The following MLIP variants were observed in gnomAD, a reference collection of about 807,000 sequenced individuals.
MLIP encodes the protein muscular LMNA-interacting protein.
Under a neutral mutation model 84.8 loss-of-function variants are expected in MLIP, and 79 were observed. That is an observed-to-expected ratio of 0.93 (90% CI 0.78 to 1.12). The LOEUF is 1.12. Among genes scored for constraint, MLIP ranks in the 50% most tolerant of loss-of-function variants. The probability of loss-of-function intolerance (pLI) is 0.00; values close to 1 mark genes in which losing one functional copy is unlikely to be tolerated. For missense variants in MLIP, 1,257 were observed against 1,160.6 expected, an observed-to-expected ratio of 1.08 and a Z score of -1.21; for synonymous variants, 504 against 463.0, an observed-to-expected ratio of 1.09 and a Z score of -1.14.
At chr6:54,035,075 T>C (rs1159977160) in intron 1 of MLIP, among the ~76,000 whole-genome samples, 1 of 152,176 alleles carries the variant, frequency 6.6e-6, no homozygotes, top group African/African-American at 2.4e-5. Context: ...AGCCCAGATA[T>C]GGCCGTATAC....
chr6:54,037,150 A>G (rs1764492429), intron 1 of MLIP, among the ~76,000 whole-genome samples: 1 of 151,926 alleles, frequency 6.6e-6, no homozygotes. Flanking sequence ...TGTCGTGCTG[A>G]TTTTATCTTC....
intron 4 of MLIP, among the ~76,000 whole-genome samples, chr6:54,139,196 A>C (rs766654947): frequency 1.3e-5 from 2 of 152,178 alleles, no homozygotes; most frequent in Non-Finnish European, 1.5e-5. Flanking sequence ...ATTCAATTTT[A>C]ATCAGTAGAA....
At chr6:54,033,243 C>T (rs1764239597) in intron 1 of MLIP, among the ~76,000 whole-genome samples, 1 of 151,724 alleles carries the variant, frequency 6.6e-6, no homozygotes, top group South Asian at 2.1e-4. Flanking sequence ...TTGCTATTTT[C>T]CCATTTTGCA....
rs1318209896 is a variant in MLIP, at chr6:54,137,877, C to T, written c.1808C>T (p.Thr603Met). The part of the protein sequence containing the change: ...SLSPPINQRA[T>M]FSSSEKCFHP... ...TCTCCTCCTATTAATCAAAGAGCTA[C>T]GTTCTCTTCTTCAGAGAAATGTTTC... The change falls in exon 4 of 14, where the codon ACG becomes ATG. Residue 603 changes from threonine (T) to methionine (M), a missense_variant. Coordinates refer to ENST00000502396, the MANE Select transcript of MLIP (RefSeq NM_001281747.2). 11 of 1,535,986 alleles carry T rather than the reference C, an allele frequency of 7.2e-6. No individual in the cohort carries two copies. The highest frequency in any genetic ancestry group is 4.1e-5 in the African/African-American group (3 of 73,048).
In MLIP at chr6:54,213,734, A is replaced by AAAAAAAAAAAAAAAAAAAAAACAAAAAAC. The variant is rs368508685; in HGVS notation, c.2718+11503_2718+11504insAAAAAAAAAAAAAAAAAAACAAAAAACAA. ...AAAAAAAAAAAAAAAAAAAAAAAAA[A>AAAAAAAAAAAAAAAAAAAAAACAAAAAAC]AACAACAAACAGCATATCTTGTATG... On this transcript the variant is annotated intron_variant, in intron 11 of 13. Transcript: ENST00000502396. Among the ~76,000 whole-genome samples the AAAAAAAAAAAAAAAAAAAAAACAAAAAAC allele has an allele frequency of 2.4e-5, 2 of 82,372 alleles. 1 individual carries two copies. Among genetic ancestry groups the AAAAAAAAAAAAAAAAAAAAAACAAAAAAC allele is most frequent in the Non-Finnish European group, 4.7e-5 (2 of 42,156 alleles). 54.0% of individuals were successfully genotyped at this position (82,372 alleles called of 152,430 possible). A position where few individuals can be genotyped will look rare whatever the true frequency, so the allele number is the denominator to read the frequency against.
At chr6:54,060,867 G>C (rs936531647) in intron 1 of MLIP, among the ~76,000 whole-genome samples, 2 of 151,990 alleles carry the variant, frequency 1.3e-5, no homozygotes, top group African/African-American at 2.4e-5. Context: ...AAGATACACA[G>C]AGTTCAATGC....
At chr6:54,084,583 T>C (rs754752751) in intron 1 of MLIP, among the ~76,000 whole-genome samples, 6 of 152,192 alleles carry the variant, frequency 3.9e-5, no homozygotes, top group Non-Finnish European at 8.8e-5. Context: ...TATGTGTACA[T>C]ATACAATAGC....
At chr6:54,045,984 A>C (rs796923141) in intron 1 of MLIP, 1 of 152,184 alleles carries the variant, frequency 6.6e-6, no homozygotes, top group Non-Finnish European at 1.5e-5. Flanking sequence ...GCGAGAATGG[A>C]CTAATACAGA....
chr6:54,243,711 G>A (rs563837594), intron 12 of MLIP, among the ~76,000 whole-genome samples: 10 of 152,176 alleles, frequency 6.6e-5, no homozygotes, highest in Admixed American at 2.0e-4. Flanking sequence ...TCTCCCTAAC[G>A]TCTATCAATA....
intron 11 of MLIP, among the ~76,000 whole-genome samples, chr6:54,210,846 T>C (rs906244379): frequency 6.6e-6 from 1 of 152,018 alleles, no homozygotes; most frequent in Non-Finnish European, 1.5e-5. Flanking sequence ...AGATCTTTAA[T>C]TTTTTTTAAC....
intron 8 of MLIP, among the ~76,000 whole-genome samples, chr6:54,164,582 A>G (rs1233059212): frequency 1.3e-5 from 2 of 151,954 alleles, no homozygotes; most frequent in Admixed American, 1.3e-4. Context: ...AAACATTTCC[A>G]TCAACTGAAA....
rs552706607 is a variant in MLIP at position 54,071,046 on chromosome 6, T to C, written c.64-50401T>C. 5.3e-5 allele frequency among the ~76,000 whole-genome samples: 8 copies of C among 152,174 alleles called. 1 individual carries two copies. The South Asian group carries it at 1.7e-3, about 31-fold the overall frequency. On this transcript the variant is annotated intron_variant, in intron 1 of 12. Coordinates refer to the MLIP transcript ENST00000274897. ...TTAGACAGAACTAAGATGAATACTTTAGATAGAGTTAAGACCCACGTCTAT... is the reference window on the plus strand; with the variant it reads ...TTAGACAGAACTAAGATGAATACTTCAGATAGAGTTAAGACCCACGTCTAT...
At chr6:54,184,446 C>A (rs1304212088) in intron 9 of MLIP, among the ~76,000 whole-genome samples, 1 of 152,122 alleles carries the variant, frequency 6.6e-6, no homozygotes, top group East Asian at 1.9e-4. Flanking sequence ...CAAAGGGATA[C>A]CTGTCATGAA....
chr6:54,221,040 T>C (rs1162870454), intron 11 of MLIP, among the ~76,000 whole-genome samples: 1 of 152,148 alleles, frequency 6.6e-6, no homozygotes, highest in Admixed American at 6.5e-5. Flanking sequence ...TGGCAAATTA[T>C]TTTAAAAAGT....
At chr6:54,135,243 T>C (rs1200407427) in intron 3 of MLIP, among the ~76,000 whole-genome samples, 1 of 152,104 alleles carries the variant, frequency 6.6e-6, no homozygotes. Context: ...AGCTTTCTTC[T>C]TCCATTTGAT....
At chr6:54,204,395 A>G (rs192499283) in intron 11 of MLIP, among the ~76,000 whole-genome samples, 324 of 152,318 alleles carry the variant, frequency 2.1e-3, no homozygotes, top group Non-Finnish European at 3.3e-3. Flanking sequence ...TTTAGTATGA[A>G]GTTTTAGACA....
intron 1 of MLIP, among the ~76,000 whole-genome samples, chr6:54,040,288 A>C (rs1035965303): frequency 6.6e-6 from 1 of 152,058 alleles, no homozygotes; most frequent in African/African-American, 2.4e-5. Context: ...TAAACAAGGT[A>C]ATTTCAGTTA....
chr6:54,107,875 A>G (rs545372968), upstream of MLIP, among the ~76,000 whole-genome samples: 1 of 152,346 alleles, frequency 6.6e-6, no homozygotes, highest in South Asian at 2.1e-4. Context: ...GAGGCATAAA[A>G]ACAGACAAAT....
At chr6:54,193,276 A>G (rs1021340102) in intron 10 of MLIP, among the ~76,000 whole-genome samples, 23 of 152,072 alleles carry the variant, frequency 1.5e-4, no homozygotes, top group African/African-American at 5.6e-4. Flanking sequence ...CCACCTATTC[A>G]CTGGAGATTG....
Sources: gnomAD v4.1 joint callset for allele counts (sites outside exome capture counted in the v4.1 genomes callset) on GRCh38, gnomAD v4.1.1 for gene constraint, MANE v1.5 for transcripts, NCBI Gene and HGNC (gene_info 2026-07-23, HGNC 2026-07-21) for gene names.